Variants in PDSS2 observed in about 807,000 individuals in gnomAD.
PDSS2 encodes all trans-polyprenyl-diphosphate synthase PDSS2.
In PDSS2, 31 loss-of-function variants were observed where a neutral mutation model predicts 44.5. The observed-to-expected ratio is 0.70, with a 90% CI of 0.52 to 0.94. The LOEUF (loss-of-function observed/expected upper bound fraction) is 0.94. PDSS2 is among the 40% of genes least tolerant of loss of function. PDSS2 has a pLI of 0.00. For synonymous variants in PDSS2, 157 were observed against 180.3 expected (o/e 0.87, Z 1.03); for missense variants, 452 against 482.2 (o/e 0.94, Z 0.59).
intron 2 of PDSS2, among the ~76,000 whole-genome samples, chr6:107,288,752 TG>T (rs1178738289): frequency 2.0e-4 from 28 of 137,348 alleles, no homozygotes; most frequent in East Asian, 5.1e-4. Context: ...GGGACGAAAT[TG>T]TTTTTTTTTT....
chr6:107,397,130 T>C (rs1419172048), intron 1 of PDSS2, among the ~76,000 whole-genome samples: 1 of 152,108 alleles, frequency 6.6e-6, no homozygotes, highest in African/African-American at 2.4e-5. Context: ...CATCTTCCTC[T>C]AGATTAGTAG....
At chr6:107,287,246 AT>A (rs951898874) in intron 2 of PDSS2, among the ~76,000 whole-genome samples, 1 of 152,202 alleles carries the variant, frequency 6.6e-6, no homozygotes, top group African/African-American at 2.4e-5. Context: ...ACTAAATTGA[AT>A]TGGAAAGCCT....
intron 1 of PDSS2, among the ~76,000 whole-genome samples, chr6:107,395,375 T>C (rs187219587): frequency 6.6e-6 from 1 of 152,260 alleles, no homozygotes; most frequent in East Asian, 1.9e-4. Flanking sequence ...TACTTTATTT[T>C]TCTGTGCCCA....
chr6:107,180,775 T>C (rs1046855795), intron 7 of PDSS2, among the ~76,000 whole-genome samples: 1 of 152,228 alleles, frequency 6.6e-6, no homozygotes, highest in African/African-American at 2.4e-5. Context: ...TGGGAGAGAC[T>C]GCCCCACTAA....
chr6:107,273,949 C>G, intron 3 of PDSS2, 80 bp downstream of exon 3: 1 of 1,056,772 alleles, frequency 9.5e-7, no homozygotes, highest in Non-Finnish European at 1.5e-6. Flanking sequence ...GGCAGCCGGG[C>G]ACACAGACCT....
intron 1 of PDSS2, among the ~76,000 whole-genome samples, chr6:107,336,845 TG>T (rs1777912837): frequency 1.4e-5 from 2 of 138,422 alleles, no homozygotes; most frequent in Non-Finnish European, 3.1e-5. Context: ...TGTGTGTGTG[TG>T]TGTGTGTGTG....
chr6:107,334,322 G>A lies in PDSS2; in HGVS notation c.307C>T (p.His103Tyr), dbSNP rs762858267. The A allele has an allele frequency of 5.0e-6, 8 of 1,613,528 alleles. No homozygotes were observed. Among genetic ancestry groups the A allele is most frequent in the Non-Finnish European group, 6.8e-6 (8 of 1,179,788 alleles). ...AACTGGAGGCTATTCCAGCTGTCAT[G>A]TACAAGCCCCCTGCCAACAAGCAAA... ...PLLTTARGLV[H>Y]DSWNSLQLRG... Residue 103 changes from histidine to tyrosine, a missense_variant, in exon 2 of 8, where the codon CAT becomes TAT. By Grantham distance (83) the His-to-Tyr change is moderately conservative (BLOSUM62 2). Coordinates refer to ENST00000369037, the MANE Select transcript of PDSS2 (RefSeq NM_020381.4).
At chr6:107,166,244 A>G (rs1473597086) in intron 7 of PDSS2, among the ~76,000 whole-genome samples, 8 of 151,996 alleles carry the variant, frequency 5.3e-5, no homozygotes, top group Non-Finnish European at 1.2e-4. Flanking sequence ...GTCTTGTGCC[A>G]GTTTCCAACG....
intron 4 of PDSS2, chr6:107,230,069 AC>A (rs1351683752): frequency 5.4e-6 from 1 of 184,256 alleles, no homozygotes. Flanking sequence ...ACCTGAAGAA[AC>A]AAAAAAACTG....
chr6:107,337,133 A>G (rs959451536), intron 1 of PDSS2, among the ~76,000 whole-genome samples: 3 of 151,998 alleles, frequency 2.0e-5, no homozygotes, highest in African/African-American at 2.4e-5. Flanking sequence ...ATTGCTTTCT[A>G]TATGTCAGAA....
intron 1 of PDSS2, among the ~76,000 whole-genome samples, chr6:107,345,819 A>C (rs1282394240): frequency 6.6e-6 from 1 of 152,228 alleles, no homozygotes; most frequent in Non-Finnish European, 1.5e-5. Context: ...CAGAATCAAC[A>C]TTGAATTCAA....
intron 1 of PDSS2, among the ~76,000 whole-genome samples, chr6:107,396,342 TC>T (rs1305586062): frequency 6.6e-6 from 1 of 152,198 alleles, no homozygotes; most frequent in Non-Finnish European, 1.5e-5. Context: ...TGTTTGAATT[TC>T]CCTTCCCTGC....
chr6:107,372,167 C>T (rs1263911775), intron 1 of PDSS2, among the ~76,000 whole-genome samples: 1 of 152,128 alleles, frequency 6.6e-6, no homozygotes, highest in Non-Finnish European at 1.5e-5. Flanking sequence ...GGGGTAGTCA[C>T]CAAACTGTGG....
chr6:107,434,648 A>T (rs1204677188), intron 1 of PDSS2, among the ~76,000 whole-genome samples: 5 of 152,196 alleles, frequency 3.3e-5, no homozygotes, highest in Admixed American at 6.5e-5. Context: ...GAGTACAAAA[A>T]TATCGTTAAA....
At chr6:107,223,949 C>G (rs939152173) in intron 4 of PDSS2, among the ~76,000 whole-genome samples, 1 of 151,198 alleles carries the variant, frequency 6.6e-6, no homozygotes, top group Admixed American at 6.6e-5. Context: ...AGCATTACTG[C>G]CTGAGCTCCA....
At chr6:107,224,403 G>T (rs1773718217) in intron 4 of PDSS2, among the ~76,000 whole-genome samples, 1 of 151,382 alleles carries the variant, frequency 6.6e-6, no homozygotes. Context: ...ACGTAGAAGT[G>T]GGAGTTGTTT....
intron 7 of PDSS2, among the ~76,000 whole-genome samples, chr6:107,186,256 C>T (rs1772160126): frequency 6.6e-6 from 1 of 152,210 alleles, no homozygotes; most frequent in African/African-American, 2.4e-5. Flanking sequence ...GGCTCTATCA[C>T]AACAGGAACT....
intron 4 of PDSS2, among the ~76,000 whole-genome samples, chr6:107,226,963 G>A (rs1291984145): frequency 6.7e-6 from 1 of 150,216 alleles, no homozygotes; most frequent in Non-Finnish European, 1.5e-5. Flanking sequence ...GAGCCACCGC[G>A]CCCGGCCCAG....
At chr6:107,432,220 A>G (rs1469234034) in intron 1 of PDSS2, among the ~76,000 whole-genome samples, 1 of 152,194 alleles carries the variant, frequency 6.6e-6, no homozygotes, top group Non-Finnish European at 1.5e-5. Context: ...TCAAAAACAC[A>G]ATATAATTTG....
Sources: allele counts gnomAD v4.1 joint callset (sites outside exome capture counted in the v4.1 genomes callset), GRCh38; gene constraint gnomAD v4.1.1; transcripts MANE v1.5; gene names NCBI Gene and HGNC (gene_info 2026-07-23, HGNC 2026-07-21).